ANP32A: variants seen among roughly 807,000 people sequenced by gnomAD.
ANP32A encodes the protein acidic nuclear phosphoprotein 32 family member A.
In ANP32A, 1 loss-of-function variant was observed where a neutral mutation model predicts 33.9. The ratio of observed to expected loss-of-function variants is 0.03; its 90% confidence interval spans 0.01 to 0.14. ANP32A has a LOEUF of 0.14. ANP32A is among the 10% of genes least tolerant of loss of function. The pLI is 1.00. For synonymous variants in ANP32A, 115 were observed against 120.5 expected, an observed-to-expected ratio of 0.95 and a Z score of 0.30; for missense variants, 155 against 306.0, an observed-to-expected ratio of 0.51 and a Z score of 3.68.
chr15:68,782,848 C>T (rs1046327547), intron 5 of ANP32A, 108 bp downstream of exon 5: 47 of 1,492,036 alleles, frequency 3.2e-5, no homozygotes, highest in Admixed American at 9.1e-5. Flanking sequence ...CATCGGGGAG[C>T]GACTTTCCTA....
intron 1 of ANP32A, among the ~76,000 whole-genome samples, chr15:68,797,453 T>C (rs1330880414): frequency 1.3e-5 from 2 of 151,976 alleles, no homozygotes; most frequent in Non-Finnish European, 1.5e-5. Flanking sequence ...GCAAAGAGGG[T>C]AAATCCTGCT....
intron 1 of ANP32A, among the ~76,000 whole-genome samples, chr15:68,800,762 G>A (rs373763501): frequency 0.029 from 2,581 of 90,076 alleles, 39 homozygotes; most frequent in Non-Finnish European, 0.047. Flanking sequence ...AAAAAAGAAA[G>A]AAAAGAAAAG....
intron 1 of ANP32A, chr15:68,801,727 T>C (rs1259297417): frequency 6.5e-6 from 1 of 154,516 alleles, no homozygotes; most frequent in African/African-American, 2.4e-5. Context: ...GCCATTTTTT[T>C]CCTTCCTATT....
In ANP32A at chr15:68,787,872, G is replaced by C. The variant is rs201740562; in HGVS notation, c.102C>G (p.Leu34=). The C allele has an allele frequency of 1.9e-5, 30 of 1,614,144 alleles. No individual in the cohort carries two copies. The highest frequency in any genetic ancestry group is 5.0e-5 in the Admixed American group (3 of 60,028). Residue 34 remains leucine (L), a synonymous_variant, in exon 2 of 7, where the codon CTC becomes CTG. Transcript: ENST00000465139. ...LDNSRSNEGK[L]EGLTDEFEEL... ...CTTCAAATTCATCTGTGAGGCCTTC[G>C]AGTTTGCCTTCATTCGACCGACTGT...
intron 5 of ANP32A, chr15:68,781,395 C>G (rs1214064267): frequency 6.6e-6 from 1 of 150,848 alleles, no homozygotes; most frequent in Non-Finnish European, 1.5e-5. Flanking sequence ...CCCACCCCCC[C>G]AAACCTCACA....
chr15:68,797,043 T>C (rs1233917284), intron 1 of ANP32A, among the ~76,000 whole-genome samples: 3 of 152,184 alleles, frequency 2.0e-5, no homozygotes, highest in Middle Eastern at 3.4e-3. Flanking sequence ...ATAAGTGAAA[T>C]GGGAAACTCA....
chr15:68,807,432 G>A (rs796947759), intron 1 of ANP32A, among the ~76,000 whole-genome samples: 19 of 148,726 alleles, frequency 1.3e-4, no homozygotes, highest in African/African-American at 4.4e-4. Context: ...GAAAACGGGG[G>A]GGGGGGAGTC....
intron 1 of ANP32A, among the ~76,000 whole-genome samples, chr15:68,809,862 C>A (rs1286378458): frequency 1.3e-5 from 2 of 152,210 alleles, no homozygotes; most frequent in Non-Finnish European, 2.9e-5. Context: ...CTGAAGACCA[C>A]AATGATGAGC....
intron 1 of ANP32A, among the ~76,000 whole-genome samples, chr15:68,795,163 T>C (rs1894047320): frequency 6.6e-6 from 1 of 152,142 alleles, no homozygotes; most frequent in Non-Finnish European, 1.5e-5. Context: ...AAGTTTCTGC[T>C]AACAGGAGGC....
chr15:68,781,011 G>A (rs1320999184), intron 5 of ANP32A: 1 of 154,750 alleles, frequency 6.5e-6, no homozygotes, highest in African/African-American at 2.4e-5. Flanking sequence ...GGAAGGGTTG[G>A]GGAAGATAAA....
At chr15:68,811,175 C>T (rs114812982) in intron 1 of ANP32A, among the ~76,000 whole-genome samples, 1 of 151,386 alleles carries the variant, frequency 6.6e-6, no homozygotes, top group Non-Finnish European at 1.5e-5. Flanking sequence ...CCAGACTTCA[C>T]GTGGTGGAGT....
At chr15:68,781,850 C>T (rs1217097638) in intron 5 of ANP32A, among the ~76,000 whole-genome samples, 8 of 152,164 alleles carry the variant, frequency 5.3e-5, no homozygotes, top group Non-Finnish European at 7.4e-5. Flanking sequence ...GTGATCCGCC[C>T]GCCTCGGCCT....
At chr15:68,788,584 C>T (rs1248829744) in intron 1 of ANP32A, among the ~76,000 whole-genome samples, 3 of 152,194 alleles carry the variant, frequency 2.0e-5, no homozygotes, top group Non-Finnish European at 4.4e-5. Flanking sequence ...CATGTGGCCA[C>T]GGAGTGCGGC....
chr15:68,809,023 A>G (rs899998976), intron 1 of ANP32A, among the ~76,000 whole-genome samples: 1 of 152,126 alleles, frequency 6.6e-6, no homozygotes, highest in African/African-American at 2.4e-5. Flanking sequence ...ACCCACCCTG[A>G]GTCTATGGCT....
rs766150688 is a variant in ANP32A, at chr15:68,784,519, A to G, written c.404T>C (p.Val135Ala). The G allele has an allele frequency of 8.7e-6, 14 of 1,613,522 alleles. No individual in the cohort carries two copies. The highest frequency in any genetic ancestry group is 8.5e-6 in the Non-Finnish European group (10 of 1,179,886). The change falls in exon 4 of 7, where the codon GTG becomes GCG. Residue 135 changes from valine (V) to alanine (A), a missense_variant. Transcript: ENST00000465139. ...TGTGAGTTGCGGGAGGAGCTTGAAC[A>G]CATTTTCTCGGTAGTCGTTCAGGTT... ...VTNLNDYREN[V>A]FKLLPQLTYL...
rs1009632336 is a variant in ANP32A at position 68,783,198 on chromosome 15, C to T, written c.527-145G>A. 4.5e-5 allele frequency: 59 copies of T among 1,298,824 alleles called. No homozygotes were observed. The South Asian group carries it at 5.8e-4, about 13-fold the overall frequency. 80.5% of individuals were successfully genotyped at this position (1,298,824 alleles called of 1,614,324 possible). A position where few individuals can be genotyped will look rare whatever the true frequency, so the allele number is the denominator to read the frequency against. On this transcript the variant is annotated intron_variant, in intron 4 of 6. Coordinates refer to ENST00000465139, the MANE Select transcript of ANP32A (RefSeq NM_006305.4). ...TAAGTCCAAAGATGGAACACACTAA[C>T]TCTCATGAAAACAGTGCTGACATAA... is the stretch of plus-strand genomic sequence containing the variant.
At chr15:68,820,061 C>G (rs1894449925) in intron 1 of ANP32A, among the ~76,000 whole-genome samples, 1 of 152,124 alleles carries the variant, frequency 6.6e-6, no homozygotes, top group Admixed American at 6.5e-5. Flanking sequence ...TGAAGACGCA[C>G]TTTAAACTCC....
At chr15:68,796,142 C>T (rs781759833) in intron 1 of ANP32A, among the ~76,000 whole-genome samples, 28 of 152,248 alleles carry the variant, frequency 1.8e-4, no homozygotes, top group Middle Eastern at 3.4e-3. Context: ...CGTGCAGTGG[C>T]GTGATCTCGG....
chr15:68,787,856 C>T lies in ANP32A; in HGVS notation c.118G>A (p.Glu40Lys). The T allele has an allele frequency of 6.2e-7, 1 of 1,614,124 alleles. No individual in the cohort carries two copies. The highest frequency in any genetic ancestry group is 1.1e-5 in the South Asian group (1 of 91,082). Residue 40 changes from glutamate (E) to lysine (K), a missense_variant, in exon 2 of 7, where the codon GAA becomes AAA. Glu to Lys is a moderately conservative substitution (Grantham distance 56). Coordinates refer to ENST00000465139, the MANE Select transcript of ANP32A (RefSeq NM_006305.4). ...CTTAAGAATTCCAGTTCTTCAAATT[C>T]ATCTGTGAGGCCTTCGAGTTTGCCT... ...NEGKLEGLTD[E>K]FEELEFLSTI...
Sources: allele counts gnomAD v4.1 joint callset (sites outside exome capture counted in the v4.1 genomes callset), GRCh38; gene constraint gnomAD v4.1.1; transcripts MANE v1.5; gene names NCBI Gene and HGNC (gene_info 2026-07-23, HGNC 2026-07-21).